The following CDH13 variants were observed in gnomAD, a reference collection of about 807,000 sequenced individuals.
CDH13 encodes cadherin-13.
In CDH13, 24 loss-of-function variants were observed where a neutral mutation model predicts 63.8. The observed-to-expected ratio is 0.38, with a 90% CI of 0.27 to 0.53. The LOEUF (loss-of-function observed/expected upper bound fraction) is 0.53, where lower values mean the gene tolerates loss of function less well. CDH13 is among the 20% of genes least tolerant of loss of function. The pLI is 0.85. For missense variants in CDH13, 1,049 were observed against 903.1 expected, an observed-to-expected ratio of 1.16 and a Z score of -2.07; for synonymous variants, 503 against 355.3, an observed-to-expected ratio of 1.42 and a Z score of -4.67.
chr16:83,446,249 G>C (rs1328830103), intron 6 of CDH13, among the ~76,000 whole-genome samples: 1 of 150,072 alleles, frequency 6.7e-6, no homozygotes, highest in African/African-American at 2.5e-5. Context: ...GTTGCGGTGA[G>C]CCGAGATCAT....
At chr16:82,672,261 A>G (rs1156885533) in intron 1 of CDH13, among the ~76,000 whole-genome samples, 1 of 152,242 alleles carries the variant, frequency 6.6e-6, no homozygotes, top group East Asian at 1.9e-4. Context: ...GTCAACTGAT[A>G]TAATGTATGC....
chr16:82,960,024 C>G (rs545141326), intron 2 of CDH13, among the ~76,000 whole-genome samples: 2 of 152,256 alleles, frequency 1.3e-5, no homozygotes, highest in Admixed American at 6.5e-5. Context: ...ATTTTACATT[C>G]TATTGAAGAG....
At position 83,423,250 on chromosome 16, in the gene CDH13, A is replaced by T. The variant is rs115106475; in HGVS notation, c.782-63227A>T. 7.2e-3 allele frequency among the ~76,000 whole-genome samples: 1,103 copies of T among 152,312 alleles called. 17 individuals carry two copies. Among genetic ancestry groups the T allele is most frequent in the African/African-American group, 0.024 (983 of 41,568 alleles). ...CCTCTAAAGTATTTCAGGCATTTTC[A>T]ACATGACATGTCAACACTCACCCAA... On this transcript the variant is annotated intron_variant, in intron 6 of 13. Transcript: ENST00000567109.
intron 2 of CDH13, among the ~76,000 whole-genome samples, chr16:83,014,790 T>A (rs11864585): frequency 1.3e-3 from 75 of 57,534 alleles, no homozygotes; most frequent in African/African-American, 5.0e-3. Context: ...ATATATATAT[T>A]TGTATATATA....
At chr16:83,527,490 CAA>C (rs2074991626) in intron 7 of CDH13, among the ~76,000 whole-genome samples, 1 of 151,958 alleles carries the variant, frequency 6.6e-6, no homozygotes, top group Non-Finnish European at 1.5e-5. Context: ...AATTCAGATA[CAA>C]AAAGAGTTGT....
intron 3 of CDH13, among the ~76,000 whole-genome samples, chr16:83,118,410 C>A (rs545973397): frequency 1.3e-5 from 2 of 152,258 alleles, no homozygotes; most frequent in East Asian, 1.9e-4. Context: ...TGTGTGTAAA[C>A]CCGCATGTGC....
chr16:83,341,715 G>A (rs1378975692), intron 5 of CDH13, among the ~76,000 whole-genome samples: 1 of 152,038 alleles, frequency 6.6e-6, no homozygotes, highest in Non-Finnish European at 1.5e-5. Context: ...CTCTTGTATG[G>A]ACATAAGCCT....
chr16:83,664,983 A>G (rs1190372450), intron 8 of CDH13, among the ~76,000 whole-genome samples: 1 of 152,208 alleles, frequency 6.6e-6, no homozygotes, highest in Admixed American at 6.5e-5. Flanking sequence ...GACACAACAA[A>G]TATTTATTAA....
intron 4 of CDH13, among the ~76,000 whole-genome samples, chr16:83,142,560 G>C (rs976041012): frequency 5.3e-5 from 8 of 152,148 alleles, no homozygotes; most frequent in African/African-American, 1.4e-4. Context: ...AACTGAATCA[G>C]GTCCTTCCTC....
At chr16:82,678,835 A>G (rs1318040219) in intron 1 of CDH13, among the ~76,000 whole-genome samples, 1 of 152,166 alleles carries the variant, frequency 6.6e-6, no homozygotes. Context: ...TCACAGCAAA[A>G]TATTTATAAA....
intron 7 of CDH13, among the ~76,000 whole-genome samples, chr16:83,590,273 A>G (rs1906606315): frequency 6.6e-6 from 1 of 152,192 alleles, no homozygotes; most frequent in Non-Finnish European, 1.5e-5. Context: ...GCATAAGTCA[A>G]GGAAGAAGAG....
intron 7 of CDH13, among the ~76,000 whole-genome samples, chr16:83,526,175 A>T (rs769347304): frequency 1.3e-5 from 2 of 152,222 alleles, no homozygotes; most frequent in Non-Finnish European, 2.9e-5. Flanking sequence ...ACCAGCTTCA[A>T]AGGTCAGCCA....
At position 83,797,139 on chromosome 16, in the gene CDH13, A is replaced by C. The variant is rs144213198; in HGVS notation, c.*2109A>C. Reference sequence around the variant, plus strand: ...CCTCTTCCTGCAAGGCAGGGGGAGAACGTTCATCCTTGAACAAACAAAGAG... The same window carrying C: ...CCTCTTCCTGCAAGGCAGGGGGAGACCGTTCATCCTTGAACAAACAAAGAG... On this transcript the variant is annotated 3_prime_UTR_variant, in exon 14 of 14. Coordinates refer to ENST00000567109, the MANE Select transcript of CDH13 (RefSeq NM_001257.5). 2 of 152,250 alleles carry C rather than the reference A, an allele frequency of 1.3e-5. No individual in the cohort carries two copies. The highest frequency in any genetic ancestry group is 4.8e-5 in the African/African-American group (2 of 41,472). The allele number at this position is 152,250 out of a possible 1,614,324, so 9.4% of individuals were successfully genotyped here.
chr16:83,363,514 G>T (rs1438953933), intron 6 of CDH13, among the ~76,000 whole-genome samples: 1 of 152,262 alleles, frequency 6.6e-6, no homozygotes, highest in East Asian at 1.9e-4. Flanking sequence ...CATTTCCCAA[G>T]CTTTTATTAT....
chr16:83,218,821 T>A (rs1299468330), intron 5 of CDH13, among the ~76,000 whole-genome samples: 1 of 152,140 alleles, frequency 6.6e-6, no homozygotes, highest in Non-Finnish European at 1.5e-5. Flanking sequence ...TGGGAGGTAA[T>A]TGAGTCATGG....
intron 3 of CDH13, among the ~76,000 whole-genome samples, chr16:83,033,268 A>G (rs1050235326): frequency 1.3e-5 from 2 of 152,074 alleles, no homozygotes; most frequent in Admixed American, 6.6e-5. Flanking sequence ...CTATGTGTGT[A>G]TATGTATATA....
chr16:83,316,806 A>T (rs1171631018), intron 5 of CDH13, among the ~76,000 whole-genome samples: 1 of 152,232 alleles, frequency 6.6e-6, no homozygotes, highest in African/African-American at 2.4e-5. Flanking sequence ...CTTCAAAATC[A>T]CACTGGCCTA....
intron 7 of CDH13, among the ~76,000 whole-genome samples, chr16:83,490,799 G>A (rs145627887): frequency 5.9e-5 from 9 of 152,258 alleles, no homozygotes; most frequent in Admixed American, 2.0e-4. Flanking sequence ...CTTAAGCTCC[G>A]CATTAATAGA....
At chr16:82,796,687 C>A (rs532730187) in intron 1 of CDH13, among the ~76,000 whole-genome samples, 1 of 152,326 alleles carries the variant, frequency 6.6e-6, no homozygotes, top group East Asian at 1.9e-4. Context: ...TGGACACTGG[C>A]CCTAGTGGCC....
Sources: allele counts gnomAD v4.1 joint callset (sites outside exome capture counted in the v4.1 genomes callset), GRCh38; gene constraint gnomAD v4.1.1; transcripts MANE v1.5; gene names NCBI Gene and HGNC (gene_info 2026-07-23, HGNC 2026-07-21).